ASIP: variants seen among roughly 807,000 people sequenced by gnomAD.
ASIP encodes the protein agouti-signaling protein.
A neutral mutation model predicts 10.3 loss-of-function variants in ASIP; 11 were observed. That is an observed-to-expected ratio of 1.07 (90% CI 0.68 to 1.78). The LOEUF (loss-of-function observed/expected upper bound fraction) is 1.78. ASIP is among the 40% of genes most tolerant of loss of function. The pLI is 0.00. For synonymous variants in ASIP, 70 were observed against 70.8 expected, an observed-to-expected ratio of 0.99 and a Z score of 0.06; for missense variants, 180 against 169.2, an observed-to-expected ratio of 1.06 and a Z score of -0.35.
chr20:34,206,680 G>A (rs1190790124), intron 1 of ASIP, among the ~76,000 whole-genome samples: 2 of 152,186 alleles, frequency 1.3e-5, no homozygotes, highest in African/African-American at 2.4e-5. Context: ...CTGGGTTCAA[G>A]CAATTCTTTT....
intron 1 of ASIP, among the ~76,000 whole-genome samples, chr20:34,223,820 G>C (rs1214426813): frequency 8.1e-6 from 1 of 122,704 alleles, no homozygotes; most frequent in Non-Finnish European, 1.7e-5. Context: ...GATGGTTGCC[G>C]TGTCTGTGTA....
chr20:34,258,623 AT>A (rs2122652455), intron 1 of ASIP, among the ~76,000 whole-genome samples: 1 of 121,434 alleles, frequency 8.2e-6, no homozygotes, highest in East Asian at 2.9e-4. Context: ...GCTGGAAATC[AT>A]GGTGGAGAGC....
At chr20:34,246,047 C>T in intron 1 of ASIP, 1 of 921,852 alleles carries the variant, frequency 1.1e-6, no homozygotes, top group Non-Finnish European at 1.8e-6. Flanking sequence ...GTAAAGTCTC[C>T]CCGAATAATT....
upstream of ASIP, among the ~76,000 whole-genome samples, chr20:34,238,174 T>C (rs1162063410): frequency 2.0e-5 from 3 of 152,224 alleles, no homozygotes; most frequent in African/African-American, 4.8e-5. Context: ...CTTGGATGTT[T>C]ATATTCATAT....
rs1431442618 is a variant in ASIP at position 34,223,395 on chromosome 20, C to T, written c.-11+28635C>T. On this transcript the variant is annotated intron_variant, in intron 1 of 3. Transcript: ENST00000568305. ...AGTGAGGAGACCCTCTGCCTGGCAA[C>T]CGCCCCGTCTGAGAAGTGAGGAGCC... is the stretch of plus-strand genomic sequence containing the variant. Among the ~76,000 whole-genome samples the T allele has an allele frequency of 4.0e-5, 6 of 151,642 alleles. No homozygotes were observed. The East Asian group carries it at 5.9e-4, about 15-fold the overall frequency.
chr20:34,256,201 C>A (rs2035565552), intron 1 of ASIP, among the ~76,000 whole-genome samples: 1 of 152,238 alleles, frequency 6.6e-6, no homozygotes, highest in African/African-American at 2.4e-5. Flanking sequence ...CTGGTGGACA[C>A]GTGACTTGTG....
intron 1 of ASIP, among the ~76,000 whole-genome samples, chr20:34,253,487 T>A (rs367952303): frequency 5.4e-5 from 8 of 147,564 alleles, no homozygotes; most frequent in African/African-American, 1.5e-4. Context: ...TTATTTATTT[T>A]TTAGAGACAG....
intron 1 of ASIP, among the ~76,000 whole-genome samples, chr20:34,243,466 AT>A (rs966887274): frequency 7.3e-5 from 11 of 151,120 alleles, no homozygotes; most frequent in East Asian, 6.2e-4. Flanking sequence ...ATTATTCTGA[AT>A]TTTTTTTTAC....
chr20:34,241,971 C>T (rs1220946997), intron 1 of ASIP, among the ~76,000 whole-genome samples: 2 of 152,126 alleles, frequency 1.3e-5, no homozygotes, highest in Non-Finnish European at 2.9e-5. Context: ...TTATTGCAGA[C>T]TCTCCTTTTC....
intron 1 of ASIP, among the ~76,000 whole-genome samples, chr20:34,195,944 G>A (rs1238335566): frequency 2.6e-5 from 4 of 152,078 alleles, no homozygotes; most frequent in Admixed American, 2.6e-4. Context: ...GAAAGGGCCT[G>A]TTTCTGCTTC....
chr20:34,213,908 G>C, intron 1 of ASIP: 1 of 1,583,620 alleles, frequency 6.3e-7, no homozygotes, highest in Non-Finnish European at 8.6e-7. Flanking sequence ...CCAACAGCAT[G>C]GTTGAGACAG....
Position 34,269,182 on chromosome 20 carries a change from G to A in ASIP, c.*15G>A. Reference sequence around the variant, plus strand: ...TCAACTGCTGAGCGCCCCCACTCCCGGCCGCGAGCAGGCAGGGCTTCGGGG... The same window carrying A: ...TCAACTGCTGAGCGCCCCCACTCCCAGCCGCGAGCAGGCAGGGCTTCGGGG... On this transcript the variant is annotated 3_prime_UTR_variant, in exon 4 of 4. Transcript: ENST00000374954. 2 of 1,488,614 alleles carry A rather than the reference G, an allele frequency of 1.3e-6. No homozygotes were observed. The highest frequency in any genetic ancestry group is 1.8e-6 in the Non-Finnish European group (2 of 1,118,762). The allele number at this position is 1,488,614 out of a possible 1,614,324, so 92.2% of individuals were successfully genotyped here.
chr20:34,243,242 G>GCC (rs1275364798), intron 1 of ASIP, among the ~76,000 whole-genome samples: 1 of 152,156 alleles, frequency 6.6e-6, no homozygotes, highest in Non-Finnish European at 1.5e-5. Flanking sequence ...GACCCCTCAG[G>GCC]CAGTCTGGGC....
intron 1 of ASIP, among the ~76,000 whole-genome samples, chr20:34,202,401 A>G (rs987036550): frequency 6.6e-6 from 1 of 152,254 alleles, no homozygotes; most frequent in Non-Finnish European, 1.5e-5. Context: ...TGTCTGAAAC[A>G]GTACATATGA....
intron 1 of ASIP, among the ~76,000 whole-genome samples, chr20:34,220,990 G>A (rs1360172020): frequency 7.0e-6 from 1 of 142,864 alleles, no homozygotes; most frequent in Non-Finnish European, 1.5e-5. Flanking sequence ...CAGTGAAGGA[G>A]GATGTCATAA....
chr20:34,262,817 T>C lies in ASIP; in HGVS notation c.161-15T>C. 2 of 1,613,758 alleles carry C rather than the reference T, an allele frequency of 1.2e-6. No homozygotes were observed. The highest frequency in any genetic ancestry group is 1.7e-6 in the Non-Finnish European group (2 of 1,179,760). On this transcript the variant is annotated splice_polypyrimidine_tract_variant and intron_variant, in intron 2 of 3. Coordinates refer to ENST00000374954, the MANE Select transcript of ASIP (RefSeq NM_001672.3). ...CAGAAACATCTGACTTTGCTCCTTT[T>C]GTCTCTCTTTGAAGCGCTGAACAAG...
At chr20:34,255,834 A>G (rs1168883296) in intron 1 of ASIP, among the ~76,000 whole-genome samples, 2 of 152,156 alleles carry the variant, frequency 1.3e-5, no homozygotes, top group Non-Finnish European at 2.9e-5. Context: ...ACCTTGGTCT[A>G]GTGGTAGCAT....
rs544472184 is a variant in ASIP, at chr20:34,203,617, G to A, written c.-11+8857G>A. ...TCGCCACGTTGGCCTGGCTGGTCTC[G>A]AACGCCTAACTTCAAGTGATCCTCC... On this transcript the variant is annotated intron_variant, in intron 1 of 3. Transcript: ENST00000568305. Among the ~76,000 whole-genome samples the A allele has an allele frequency of 1.4e-3, 209 of 152,040 alleles. 1 individual carries two copies. Among genetic ancestry groups the A allele is most frequent in the African/African-American group, 4.7e-3 (196 of 41,482 alleles).
chr20:34,205,646 G>A (rs1568745988), intron 1 of ASIP, among the ~76,000 whole-genome samples: 1 of 146,700 alleles, frequency 6.8e-6, no homozygotes, highest in South Asian at 2.2e-4. Flanking sequence ...CTGTCGCTTG[G>A]TCTATTTTAC....
Sources: gnomAD v4.1 joint callset for allele counts (sites outside exome capture counted in the v4.1 genomes callset) on GRCh38, gnomAD v4.1.1 for gene constraint, MANE v1.5 for transcripts, NCBI Gene and HGNC (gene_info 2026-07-23, HGNC 2026-07-21) for gene names.